DLGAP2: variants seen among roughly 807,000 people sequenced by gnomAD.
The protein encoded by DLGAP2 is disks large-associated protein 2.
Under a neutral mutation model 100.3 loss-of-function variants are expected in DLGAP2, and 26 were observed. The ratio of observed to expected loss-of-function variants is 0.26; its 90% CI spans 0.19 to 0.36. The LOEUF (loss-of-function observed/expected upper bound fraction) is 0.36, where lower values mean the gene tolerates loss of function less well. Ranked by LOEUF, DLGAP2 falls within the 10% of genes least tolerant of loss-of-function variation. DLGAP2 has a pLI of 1.00. For synonymous variants in DLGAP2, 886 were observed against 630.1 expected, an observed-to-expected ratio of 1.41 and a Z score of -6.08; for missense variants, 1,858 against 1,453.2, an observed-to-expected ratio of 1.28 and a Z score of -4.53.
intron 2 of DLGAP2, among the ~76,000 whole-genome samples, chr8:1,196,366 C>T (rs896201229): frequency 6.6e-6 from 1 of 152,174 alleles, no homozygotes; most frequent in Non-Finnish European, 1.5e-5. Context: ...TTCCCCCATC[C>T]CCAGGTGTCA....
At chr8:997,367 C>T (rs575882844) in intron 2 of DLGAP2, among the ~76,000 whole-genome samples, 3 of 152,294 alleles carry the variant, frequency 2.0e-5, no homozygotes, top group Admixed American at 6.5e-5. Context: ...TACTTTTCCC[C>T]TGTCCTTTTT....
chr8:1,512,675 A>G (rs921600732), intron 4 of DLGAP2, among the ~76,000 whole-genome samples: 5 of 152,202 alleles, frequency 3.3e-5, no homozygotes, highest in African/African-American at 1.2e-4. Context: ...TGAGAATTCT[A>G]GGAGGTTCAG....
intron 1 of DLGAP2, among the ~76,000 whole-genome samples, chr8:842,008 G>A (rs375019884): frequency 6.6e-6 from 1 of 152,064 alleles, no homozygotes; most frequent in South Asian, 2.1e-4. Context: ...GTGTGACTAC[G>A]GAAGACACCA....
At chr8:1,477,394 C>A (rs1255801621) in intron 3 of DLGAP2, among the ~76,000 whole-genome samples, 1 of 152,206 alleles carries the variant, frequency 6.6e-6, no homozygotes, top group Non-Finnish European at 1.5e-5. Context: ...CCTTCTGAAA[C>A]CAGCCTCTCT....
intron 3 of DLGAP2, among the ~76,000 whole-genome samples, chr8:1,439,191 C>T (rs1468028154): frequency 1.3e-5 from 2 of 152,124 alleles, no homozygotes; most frequent in Non-Finnish European, 2.9e-5. Context: ...AAGCATAGTC[C>T]GCCCAGCCCC....
intron 12 of DLGAP2, among the ~76,000 whole-genome samples, chr8:1,683,331 G>A (rs765002277): frequency 4.6e-5 from 7 of 151,514 alleles, no homozygotes; most frequent in Non-Finnish European, 8.9e-5. Flanking sequence ...TCCACGCAGA[G>A]GCAGAGAACT....
At chr8:1,617,903 A>C (rs1797209457) in intron 6 of DLGAP2, among the ~76,000 whole-genome samples, 1 of 152,250 alleles carries the variant, frequency 6.6e-6, no homozygotes, top group Non-Finnish European at 1.5e-5. Context: ...CAACAGTAAA[A>C]TGGTAGGCTT....
At chr8:1,664,262 T>C (rs1338712705) in intron 8 of DLGAP2, among the ~76,000 whole-genome samples, 3 of 152,118 alleles carry the variant, frequency 2.0e-5, no homozygotes, top group Non-Finnish European at 4.4e-5. Flanking sequence ...CCACGTCTAC[T>C]AGCCCTTCCC....
intron 2 of DLGAP2, among the ~76,000 whole-genome samples, chr8:1,021,578 G>C (rs888793839): frequency 5.3e-5 from 8 of 152,190 alleles, no homozygotes; most frequent in Non-Finnish European, 1.0e-4. Context: ...ATCTCAGGCA[G>C]TCAGAGTCCT....
In DLGAP2 at chr8:1,041,123, A is replaced by C. The variant is rs1487835666; in HGVS notation, c.73+133157A>C. Among the ~76,000 whole-genome samples, 7 of 152,224 alleles carry C rather than the reference A, an allele frequency of 4.6e-5. No homozygotes were observed. The East Asian group carries it at 9.7e-4, about 21-fold the overall frequency. ...GGGAGGTATCTGTCCTCGGCAATGG[A>C]TATGGTTAATTTTAAATAACAGTTA... is the stretch of plus-strand genomic sequence containing the variant. On this transcript the variant is annotated intron_variant, in intron 2 of 14. Coordinates refer to ENST00000637795, the MANE Select transcript of DLGAP2 (RefSeq NM_001346810.2).
At position 1,616,855 on chromosome 8, in the gene DLGAP2, C is replaced by G. The variant is rs531607097; in HGVS notation, c.1443-9885C>G. Among the ~76,000 whole-genome samples the G allele has an allele frequency of 4.6e-5, 7 of 152,114 alleles. No individual in the cohort carries two copies. In the South Asian group the frequency reaches 1.5e-3, roughly 32 times the overall value. ...GTCATCCAGGTAATAAGCATTGCAC[C>G]TAATAGGTATTTTTTTCTGATCCTC... is the stretch of plus-strand genomic sequence containing the variant. On this transcript the variant is annotated intron_variant, in intron 6 of 14. Transcript: ENST00000637795.
In DLGAP2 at chr8:1,493,199, C is replaced by A. The variant is rs146487901; in HGVS notation, c.107-8167C>A. Among the ~76,000 whole-genome samples the A allele has an allele frequency of 2.8e-3, 434 of 152,306 alleles. 3 individuals are homozygous for A. The highest frequency in any genetic ancestry group is 4.7e-3 in the Non-Finnish European group (321 of 68,026). ...CCCTAGGAACCCAGATGGCTGCCTT[C>A]ATCTCCGCAGCTCTGAGACGCGCCT... On this transcript the variant is annotated intron_variant, in intron 3 of 14. Transcript: ENST00000637795.
chr8:1,243,481 G>A (rs923743725), intron 2 of DLGAP2, among the ~76,000 whole-genome samples: 4 of 152,310 alleles, frequency 2.6e-5, no homozygotes, highest in African/African-American at 9.6e-5. Context: ...GAGATGTTCT[G>A]GACTTGGCCA....
At chr8:1,269,856 A>C (rs1799543636) in intron 3 of DLGAP2, among the ~76,000 whole-genome samples, 2 of 152,168 alleles carry the variant, frequency 1.3e-5, no homozygotes, top group Admixed American at 6.5e-5. Flanking sequence ...GAAGCCCTGG[A>C]ACCAAAAAGG....
intron 1 of DLGAP2, among the ~76,000 whole-genome samples, chr8:744,038 T>C (rs111711351): frequency 2.2e-4 from 34 of 152,370 alleles, no homozygotes; most frequent in African/African-American, 7.5e-4. Context: ...TGCATCTAAA[T>C]GCCCAGACAC....
chr8:1,389,843 C>A (rs1484564092), intron 3 of DLGAP2, among the ~76,000 whole-genome samples: 7 of 152,086 alleles, frequency 4.6e-5, no homozygotes, highest in African/African-American at 1.7e-4. Context: ...CTGCCCCAGA[C>A]CCAGATCTGC....
At chr8:1,637,991 C>G (rs1465293593) in intron 8 of DLGAP2, among the ~76,000 whole-genome samples, 7 of 152,198 alleles carry the variant, frequency 4.6e-5, no homozygotes, top group African/African-American at 9.7e-5. Context: ...GACAAACGTC[C>G]CGAAAACCGC....
chr8:1,488,479 G>A (rs1194024995), intron 3 of DLGAP2, among the ~76,000 whole-genome samples: 1 of 152,176 alleles, frequency 6.6e-6, no homozygotes, highest in Non-Finnish European at 1.5e-5. Flanking sequence ...AGGCCAGTCG[G>A]AACGGTGCCT....
At chr8:1,156,203 C>G (rs1050712480) in intron 2 of DLGAP2, among the ~76,000 whole-genome samples, 3 of 152,146 alleles carry the variant, frequency 2.0e-5, no homozygotes, top group African/African-American at 7.2e-5. Context: ...CCTCCCTCTG[C>G]CGCCGGGAGC....
Sources: gnomAD v4.1 joint callset for allele counts (sites outside exome capture counted in the v4.1 genomes callset) on GRCh38, gnomAD v4.1.1 for gene constraint, MANE v1.5 for transcripts, NCBI Gene and HGNC (gene_info 2026-07-23, HGNC 2026-07-21) for gene names.